RSRC1: variants seen among roughly 807,000 people sequenced by gnomAD.
The protein encoded by RSRC1 is serine/Arginine-related protein 53.
In RSRC1, 39 loss-of-function variants were observed where a neutral mutation model predicts 49.1. The ratio of observed to expected loss-of-function variants is 0.79; its 90% confidence interval spans 0.61 to 1.04. The LOEUF is 1.04. RSRC1 is among the 50% of genes least tolerant of loss of function. RSRC1 has a pLI of 0.00. For synonymous variants in RSRC1, 143 were observed against 130.8 expected, an observed-to-expected ratio of 1.09 and a Z score of -0.63; for missense variants, 388 against 402.4, an observed-to-expected ratio of 0.96 and a Z score of 0.31.
chr3:158,334,649 T>TTGTG (rs71840277), intron 5 of RSRC1, among the ~76,000 whole-genome samples: 33,645 of 137,308 alleles, frequency 0.25, 4,501 homozygotes, highest in East Asian at 0.54. Flanking sequence ...CCCAGCTAAT[T>TTGTG]TGTGTGTGTG....
chr3:158,245,528 A>G (rs1320207579), intron 4 of RSRC1, among the ~76,000 whole-genome samples: 2 of 152,174 alleles, frequency 1.3e-5, no homozygotes, highest in Non-Finnish European at 2.9e-5. Context: ...ATGGATACCT[A>G]TCAGGTCCAC....
chr3:158,197,166 C>T (rs1424635455), intron 3 of RSRC1, among the ~76,000 whole-genome samples: 2 of 152,168 alleles, frequency 1.3e-5, no homozygotes, highest in African/African-American at 4.8e-5. Context: ...TTAATTGTTG[C>T]CTCAATTTCA....
At chr3:158,382,443 C>G (rs1268230916) in intron 6 of RSRC1, among the ~76,000 whole-genome samples, 1 of 152,122 alleles carries the variant, frequency 6.6e-6, no homozygotes, top group African/African-American at 2.4e-5. Flanking sequence ...TTTGTTTACA[C>G]CAATATCACC....
At chr3:158,520,818 T>A (rs1345200808) in intron 7 of RSRC1, among the ~76,000 whole-genome samples, 1 of 152,228 alleles carries the variant, frequency 6.6e-6, no homozygotes. Context: ...AAGTGTGTTA[T>A]GCATGTCTAT....
intron 3 of RSRC1, among the ~76,000 whole-genome samples, chr3:158,176,844 T>C (rs935963480): frequency 3.3e-5 from 5 of 152,000 alleles, no homozygotes; most frequent in African/African-American, 9.7e-5. Flanking sequence ...AAACTACCAT[T>C]AGAGTGAACA....
chr3:158,194,386 C>T (rs529933548), intron 3 of RSRC1, among the ~76,000 whole-genome samples: 2 of 151,676 alleles, frequency 1.3e-5, no homozygotes, highest in Non-Finnish European at 2.9e-5. Context: ...TTTAAATATA[C>T]ACTGAATAAT....
intron 5 of RSRC1, among the ~76,000 whole-genome samples, chr3:158,323,003 C>G (rs1051523909): frequency 2.0e-5 from 3 of 152,090 alleles, no homozygotes; most frequent in Admixed American, 2.0e-4. Context: ...TTTGGAGTTT[C>G]TATTGACTAC....
At chr3:158,321,504 A>G (rs1157589609) in intron 5 of RSRC1, among the ~76,000 whole-genome samples, 11 of 151,884 alleles carry the variant, frequency 7.2e-5, no homozygotes, top group Non-Finnish European at 1.2e-4. Context: ...AAAAAGGAAA[A>G]AGTTAATTTT....
intron 5 of RSRC1, among the ~76,000 whole-genome samples, chr3:158,317,640 C>T (rs1278090127): frequency 6.6e-6 from 1 of 151,902 alleles, no homozygotes. Flanking sequence ...CTCACTGCAA[C>T]CTCCAGCCCC....
intron 6 of RSRC1, among the ~76,000 whole-genome samples, chr3:158,386,399 GT>G (rs1233218024): frequency 6.6e-6 from 1 of 151,742 alleles, no homozygotes; most frequent in African/African-American, 2.4e-5. Context: ...ATACATTTTA[GT>G]TTTGACAACA....
In RSRC1 at chr3:158,451,903, C is replaced by T. The variant is rs532666585; in HGVS notation, c.584-9032C>T. Among the ~76,000 whole-genome samples the T allele has an allele frequency of 3.9e-5, 6 of 152,096 alleles. No individual in the cohort carries two copies. In the South Asian group the frequency reaches 1.2e-3, roughly 32 times the overall value. On this transcript the variant is annotated intron_variant, in intron 6 of 9. Transcript: ENST00000611884. ...GAATGTTTCCCCAGTCCCAAAGGCT[C>T]ATGGGATTTAATAGTGTTTTCAAGA...
intron 7 of RSRC1, among the ~76,000 whole-genome samples, chr3:158,464,326 T>C (rs923638872): frequency 2.0e-5 from 3 of 152,200 alleles, no homozygotes; most frequent in African/African-American, 7.2e-5. Flanking sequence ...TAGTCTTTCT[T>C]TGCATTTGAC....
At chr3:158,402,673 T>C (rs566148634) in intron 6 of RSRC1, among the ~76,000 whole-genome samples, 8 of 151,882 alleles carry the variant, frequency 5.3e-5, no homozygotes, top group Non-Finnish European at 1.2e-4. Flanking sequence ...TGTATATTAA[T>C]AAACATTAAT....
intron 4 of RSRC1, among the ~76,000 whole-genome samples, chr3:158,295,113 T>C (rs1727162770): frequency 6.6e-6 from 1 of 152,094 alleles, no homozygotes; most frequent in Non-Finnish European, 1.5e-5. Context: ...CGAGTGTTAA[T>C]GGAAATATAT....
In RSRC1 at chr3:158,314,820, G is replaced by T. The variant is rs1255761872; in HGVS notation, c.531+16745G>T. 7.2e-5 allele frequency among the ~76,000 whole-genome samples: 11 copies of T among 152,266 alleles called. No individual in the cohort carries two copies. The East Asian group carries it at 1.5e-3, about 21-fold the overall frequency. On this transcript the variant is annotated intron_variant, in intron 5 of 9. Transcript: ENST00000611884. The stretch of plus-strand genomic sequence containing the variant: ...CATATATGAGTAAAGTTCGAGACCA[G>T]CCTGGTGAAACCAATGGTGAAACCA...
chr3:158,377,283 G>A (rs907035688), intron 6 of RSRC1, among the ~76,000 whole-genome samples: 12 of 151,938 alleles, frequency 7.9e-5, no homozygotes, highest in African/African-American at 2.7e-4. Flanking sequence ...CCACTTCTTC[G>A]TCTTCTTTAT....
At chr3:158,280,872 C>G (rs1271549402) in intron 4 of RSRC1, among the ~76,000 whole-genome samples, 2 of 152,006 alleles carry the variant, frequency 1.3e-5, no homozygotes, top group Admixed American at 1.3e-4. Context: ...GTTGCGAACT[C>G]CTGAGCTCAG....
At chr3:158,512,303 G>A (rs1740233719) in intron 7 of RSRC1, among the ~76,000 whole-genome samples, 2 of 142,718 alleles carry the variant, frequency 1.4e-5, no homozygotes, top group Admixed American at 7.1e-5. Context: ...AAGGTGTAAG[G>A]AAGGGATCCA....
At chr3:158,445,049 G>A (rs1237345784) in intron 6 of RSRC1, among the ~76,000 whole-genome samples, 3 of 152,184 alleles carry the variant, frequency 2.0e-5, no homozygotes, top group African/African-American at 7.2e-5. Context: ...CTTTTACACT[G>A]TTGGTGGGAC....
Sources: allele counts gnomAD v4.1 joint callset (sites outside exome capture counted in the v4.1 genomes callset), GRCh38; gene constraint gnomAD v4.1.1; transcripts MANE v1.5; gene names NCBI Gene and HGNC (gene_info 2026-07-23, HGNC 2026-07-21).